Variants in DENND1A observed in about 807,000 individuals in gnomAD.
The protein encoded by DENND1A is DENN domain containing 1A, also known as DENN domain-containing protein 1A.
Under a neutral mutation model 113.7 loss-of-function variants are expected in DENND1A, and 51 were observed. That is an observed-to-expected ratio of 0.45 (90% CI 0.36 to 0.57). The LOEUF (loss-of-function observed/expected upper bound fraction) is 0.57. Among genes scored for constraint, DENND1A ranks in the 20% least tolerant of loss-of-function variants. DENND1A has a pLI of 0.00. For missense variants in DENND1A, 1,258 were observed against 1,395.9 expected, an observed-to-expected ratio of 0.90 and a Z score of 1.57; for synonymous variants, 565 against 570.8, an observed-to-expected ratio of 0.99 and a Z score of 0.14.
In DENND1A at chr9:123,382,274, C is replaced by T. The variant is rs200730676; in HGVS notation, c.2371G>A (p.Ala791Thr). Residue 791 changes from alanine to threonine, a missense_variant, in exon 24 of 24, where the codon GCA (alanine) becomes ACA (threonine). Around this residue, in one of 2 missense-constraint regions of DENND1A, gnomAD observed 1,159 missense variants for 1,231.7 expected, o/e 0.94. Transcript: ENST00000394215. ...AGCCGCTCTGAGACGTCACCAAGTG[C>T]GGCGCCGGCAGCCTGGAGCTTGGCC... Reference protein sequence around the residue: ...RPAKLQAAGAALGDVSERLQT... With the variant: ...RPAKLQAAGATLGDVSERLQT... The T allele has an allele frequency of 7.9e-4, 1,271 of 1,610,424 alleles. 16 individuals carry two copies. The Admixed American group carries it at 0.015, about 19-fold the overall frequency.
At chr9:123,578,289 C>T (rs2058721762) in intron 12 of DENND1A, among the ~76,000 whole-genome samples, 1 of 152,246 alleles carries the variant, frequency 6.6e-6, no homozygotes, top group African/African-American at 2.4e-5. Context: ...GTAGGCCTCA[C>T]CTCACTGGCT....
intron 2 of DENND1A, among the ~76,000 whole-genome samples, chr9:123,829,757 C>T (rs1839908659): frequency 6.6e-6 from 1 of 152,128 alleles, no homozygotes; most frequent in African/African-American, 2.4e-5. Context: ...AAACTACAAG[C>T]TCTTATGGCT....
intron 5 of DENND1A, among the ~76,000 whole-genome samples, chr9:123,734,126 GCC>G (rs1443287373): frequency 6.6e-6 from 1 of 152,128 alleles, no homozygotes; most frequent in Non-Finnish European, 1.5e-5. Flanking sequence ...CTGCCACCAA[GCC>G]CAGGTAACAT....
chr9:123,536,628 C>T (rs1201265132), intron 13 of DENND1A, among the ~76,000 whole-genome samples: 1 of 152,080 alleles, frequency 6.6e-6, no homozygotes, highest in African/African-American at 2.4e-5. Flanking sequence ...ACCGAGCCGT[C>T]CAGCCTCCGC....
chr9:123,717,758 T>C (rs925082386), intron 5 of DENND1A, among the ~76,000 whole-genome samples: 1 of 152,226 alleles, frequency 6.6e-6, no homozygotes, highest in Non-Finnish European at 1.5e-5. Context: ...TTGCCCTGTG[T>C]CCACTGCATT....
intron 13 of DENND1A, among the ~76,000 whole-genome samples, chr9:123,554,070 C>T (rs1386146459): frequency 6.6e-6 from 1 of 152,096 alleles, no homozygotes; most frequent in Non-Finnish European, 1.5e-5. Flanking sequence ...ATTTTTATAA[C>T]CAGAGAAACA....
chr9:123,597,360 A>C (rs952432538), intron 11 of DENND1A, among the ~76,000 whole-genome samples: 1 of 152,192 alleles, frequency 6.6e-6, no homozygotes, highest in African/African-American at 2.4e-5. Flanking sequence ...TCACTGTGAA[A>C]ATCTCTTAAC....
chr9:123,582,197 C>T (rs1042997332), intron 12 of DENND1A, among the ~76,000 whole-genome samples: 5 of 152,120 alleles, frequency 3.3e-5, no homozygotes, highest in Non-Finnish European at 7.4e-5. Flanking sequence ...ATTGTTCACA[C>T]TGAAAACCCC....
intron 13 of DENND1A, among the ~76,000 whole-genome samples, chr9:123,529,872 A>C (rs1356329498): frequency 1.3e-5 from 2 of 152,248 alleles, no homozygotes; most frequent in Non-Finnish European, 2.9e-5. Flanking sequence ...GGTGTTAGGC[A>C]GACATGGATT....
chr9:123,620,213 CAAAAAA>C (rs34196587), intron 10 of DENND1A, among the ~76,000 whole-genome samples: 7 of 59,038 alleles, frequency 1.2e-4, no homozygotes, highest in Non-Finnish European at 1.4e-4. Context: ...GACTCCATCT[CAAAAAA>C]AAAAAAAAAA....
intron 5 of DENND1A, among the ~76,000 whole-genome samples, chr9:123,690,571 G>A (rs983497725): frequency 1.3e-5 from 2 of 152,110 alleles, no homozygotes; most frequent in Non-Finnish European, 2.9e-5. Flanking sequence ...TAATATATAC[G>A]AAGGATTTTT....
chr9:123,538,419 TGA>T (rs1359972661), intron 13 of DENND1A, among the ~76,000 whole-genome samples: 1 of 152,136 alleles, frequency 6.6e-6, no homozygotes, highest in Non-Finnish European at 1.5e-5. Context: ...GTTTTGGTCT[TGA>T]GATATAATTT....
intron 22 of DENND1A, among the ~76,000 whole-genome samples, chr9:123,387,331 G>A (rs898285618): frequency 1.3e-5 from 2 of 152,168 alleles, no homozygotes; most frequent in African/African-American, 4.8e-5. Context: ...TATGAGGAAC[G>A]TTTTCTTTTT....
At chr9:123,734,199 T>A (rs1442930192) in intron 5 of DENND1A, among the ~76,000 whole-genome samples, 1 of 152,132 alleles carries the variant, frequency 6.6e-6, no homozygotes, top group African/African-American at 2.4e-5. Flanking sequence ...TTTAGCAAGA[T>A]AAGTTATGGA....
At chr9:123,901,089 TTAA>T (rs1358976959) in intron 1 of DENND1A, among the ~76,000 whole-genome samples, 1 of 152,244 alleles carries the variant, frequency 6.6e-6, no homozygotes, top group East Asian at 1.9e-4. Flanking sequence ...TGTATGGATT[TTAA>T]TCTGGAAGCA....
chr9:123,790,146 T>C (rs902081557), intron 3 of DENND1A, among the ~76,000 whole-genome samples: 1 of 152,158 alleles, frequency 6.6e-6, no homozygotes, highest in Non-Finnish European at 1.5e-5. Context: ...TTGTATGTAA[T>C]AGAAATATTT....
At chr9:123,883,361 G>C (rs1848577496) in intron 1 of DENND1A, among the ~76,000 whole-genome samples, 1 of 152,202 alleles carries the variant, frequency 6.6e-6, no homozygotes, top group Non-Finnish European at 1.5e-5. Context: ...ATAAAGAATA[G>C]AGTTGCCTTC....
rs1236954805 is a variant in DENND1A, at chr9:123,671,842, T to G, written c.373-471A>C. Among the ~76,000 whole-genome samples the G allele has an allele frequency of 2.0e-5, 3 of 152,198 alleles. No individual in the cohort carries two copies. In the East Asian group the frequency reaches 5.8e-4, roughly 29 times the overall value. On this transcript the variant is annotated intron_variant, in intron 6 of 23. Transcript: ENST00000394215. ...CAATTATAGAAAGTTAGAAATGAAC[T>G]AAGTACAACAGCATGCAATATAGGA...
chr9:123,538,711 T>A (rs2055994390), intron 13 of DENND1A, among the ~76,000 whole-genome samples: 1 of 146,282 alleles, frequency 6.8e-6, no homozygotes, highest in Non-Finnish European at 1.5e-5. Flanking sequence ...CCAAAATCCA[T>A]CAAATATGTT....
Sources: gnomAD v4.1 joint callset for allele counts (sites outside exome capture counted in the v4.1 genomes callset) on GRCh38, gnomAD v4.1.1 for gene constraint, gnomAD v4.1.1 regional missense constraint, MANE v1.5 for transcripts, NCBI Gene and HGNC (gene_info 2026-07-23, HGNC 2026-07-21) for gene names.